PDE4D: variants seen among roughly 807,000 people sequenced by gnomAD.
The protein encoded by PDE4D is phosphodiesterase 4D.
In PDE4D, 24 loss-of-function variants were observed where a neutral mutation model predicts 87.4. The ratio of observed to expected loss-of-function variants is 0.27; its 90% CI spans 0.20 to 0.39. PDE4D has a LOEUF of 0.39. Among genes scored for constraint, PDE4D ranks in the 10% least tolerant of loss-of-function variants. The pLI, the probability that PDE4D is intolerant of heterozygous loss-of-function variation, is 1.00. For missense variants in PDE4D, 714 were observed against 1,041.0 expected, an observed-to-expected ratio of 0.69 and a Z score of 4.32; for synonymous variants, 384 against 383.2, an observed-to-expected ratio of 1.00 and a Z score of -0.02.
intron 1 of PDE4D, among the ~76,000 whole-genome samples, chr5:60,316,278 T>C (rs1179947228): frequency 6.6e-6 from 1 of 152,126 alleles, no homozygotes; most frequent in African/African-American, 2.4e-5. Flanking sequence ...ATGATTTGGC[T>C]CTCTGTTTGT....
chr5:60,497,456 G>A (rs1749868228), intron 1 of PDE4D, among the ~76,000 whole-genome samples: 1 of 151,898 alleles, frequency 6.6e-6, no homozygotes, highest in Admixed American at 6.6e-5. Context: ...AGGCTGGAGT[G>A]CAGTGGTGTG....
At chr5:60,389,835 G>C (rs991654688) in intron 1 of PDE4D, among the ~76,000 whole-genome samples, 1 of 152,122 alleles carries the variant, frequency 6.6e-6, no homozygotes, top group African/African-American at 2.4e-5. Flanking sequence ...CCATCCCATT[G>C]GTCAAGCAGT....
At chr5:59,398,072 A>T (rs1189031399) in intron 1 of PDE4D, among the ~76,000 whole-genome samples, 1 of 145,538 alleles carries the variant, frequency 6.9e-6, no homozygotes, top group Non-Finnish European at 1.5e-5. Flanking sequence ...CAGGATCTGA[A>T]ATTGTGGCAA....
chr5:59,320,095 G>A (rs1375824113), intron 1 of PDE4D, among the ~76,000 whole-genome samples: 1 of 152,004 alleles, frequency 6.6e-6, no homozygotes, highest in Admixed American at 6.6e-5. Context: ...GAGTCTTGGT[G>A]GTTGACCCTG....
At chr5:60,146,544 T>G (rs1476233939) in intron 2 of PDE4D, among the ~76,000 whole-genome samples, 1 of 152,206 alleles carries the variant, frequency 6.6e-6, no homozygotes, top group African/African-American at 2.4e-5. Context: ...AGGTAATCAT[T>G]GATCCCTTCT....
intron 1 of PDE4D, among the ~76,000 whole-genome samples, chr5:59,491,724 C>T (rs538939511): frequency 1.3e-5 from 2 of 152,240 alleles, no homozygotes; most frequent in South Asian, 2.1e-4. Flanking sequence ...TTATTTCTTA[C>T]TTAATCTAAC....
At chr5:59,398,619 A>G (rs2153612814) in intron 1 of PDE4D, among the ~76,000 whole-genome samples, 1 of 115,832 alleles carries the variant, frequency 8.6e-6, no homozygotes, top group African/African-American at 3.5e-5. Flanking sequence ...CCCACAGCCA[A>G]TATCATACTG....
chr5:59,485,371 C>A (rs1041474011), intron 1 of PDE4D, among the ~76,000 whole-genome samples: 2 of 152,100 alleles, frequency 1.3e-5, no homozygotes, highest in Non-Finnish European at 2.9e-5. Flanking sequence ...ACAGAGACAT[C>A]TGGCCCTGCT....
intron 2 of PDE4D, among the ~76,000 whole-genome samples, chr5:60,077,734 G>A (rs530329578): frequency 6.6e-6 from 1 of 152,328 alleles, no homozygotes; most frequent in African/African-American, 2.4e-5. Flanking sequence ...TTTGGGCTCT[G>A]CACTGGCTGG....
In PDE4D at chr5:59,969,202, C is replaced by T. The variant is rs938258427; in HGVS notation, c.272+19286G>A. ...TCAAATATCTACCCACTTCTCTTCACAAGTCCACCATTCACATTAGAACAA... is the reference window on the plus strand; with the variant it reads ...TCAAATATCTACCCACTTCTCTTCATAAGTCCACCATTCACATTAGAACAA... On this transcript the variant is annotated intron_variant, in intron 3 of 16. Transcript: ENST00000502484. Among the ~76,000 whole-genome samples, 2 of 152,166 alleles carry T rather than the reference C, an allele frequency of 1.3e-5. 1 individual carries two copies. Among genetic ancestry groups the T allele is most frequent in the Admixed American group, 1.3e-4 (2 of 15,268 alleles).
intron 1 of PDE4D, among the ~76,000 whole-genome samples, chr5:59,797,625 A>C (rs1766642061): frequency 6.6e-6 from 1 of 152,156 alleles, no homozygotes; most frequent in African/African-American, 2.4e-5. Flanking sequence ...TGATATTAAT[A>C]ACACATAAAC....
upstream of PDE4D, among the ~76,000 whole-genome samples, chr5:59,896,348 G>C (rs915264340): frequency 5.9e-5 from 9 of 151,782 alleles, no homozygotes; most frequent in Admixed American, 5.9e-4. Context: ...TGTACCTAGG[G>C]AATATCACCT....
At chr5:59,204,307 G>T (rs1015322288) in intron 2 of PDE4D, among the ~76,000 whole-genome samples, 1 of 151,934 alleles carries the variant, frequency 6.6e-6, no homozygotes, top group Non-Finnish European at 1.5e-5. Context: ...TGAAGTTTAC[G>T]CAACATAAGC....
intron 1 of PDE4D, among the ~76,000 whole-genome samples, chr5:59,269,793 TTA>T (rs1477860609): frequency 6.6e-6 from 1 of 152,032 alleles, no homozygotes; most frequent in Non-Finnish European, 1.5e-5. Flanking sequence ...TATATTGAAT[TTA>T]TATATGATTT....
At chr5:59,449,661 C>A (rs542846519) in intron 1 of PDE4D, among the ~76,000 whole-genome samples, 54 of 152,072 alleles carry the variant, frequency 3.6e-4, no homozygotes, top group Non-Finnish European at 7.1e-4. Context: ...CTGTTTTCAG[C>A]ACGTTAAAAA....
intron 1 of PDE4D, among the ~76,000 whole-genome samples, chr5:59,444,118 TAGA>T (rs1477315886): frequency 6.6e-6 from 1 of 152,158 alleles, no homozygotes; most frequent in Non-Finnish European, 1.5e-5. Context: ...CATGAATACT[TAGA>T]AGATCATGAT....
chr5:60,427,024 G>A (rs947502754), intron 1 of PDE4D, among the ~76,000 whole-genome samples: 1 of 152,048 alleles, frequency 6.6e-6, no homozygotes, highest in Non-Finnish European at 1.5e-5. Flanking sequence ...AGGAAGAGTG[G>A]GGAAAATAAT....
chr5:59,418,753 A>G (rs1455270953), intron 1 of PDE4D, among the ~76,000 whole-genome samples: 1 of 152,264 alleles, frequency 6.6e-6, no homozygotes, highest in East Asian at 1.9e-4. Context: ...GGTTCAACCA[A>G]TTCTCGTGCC....
chr5:59,296,292 C>T (rs1171632074), intron 1 of PDE4D, among the ~76,000 whole-genome samples: 1 of 151,870 alleles, frequency 6.6e-6, no homozygotes, highest in African/African-American at 2.4e-5. Flanking sequence ...AGTAACCATA[C>T]AGTGGGATTA....
Sources: allele counts gnomAD v4.1 joint callset (sites outside exome capture counted in the v4.1 genomes callset), GRCh38; gene constraint gnomAD v4.1.1; transcripts MANE v1.5; gene names NCBI Gene and HGNC (gene_info 2026-07-23, HGNC 2026-07-21).